The following FRMD4B variants were observed in gnomAD, a reference collection of about 807,000 sequenced individuals.
FRMD4B encodes the protein FERM domain-containing protein 4B.
FRMD4B carries 74 observed loss-of-function variants against 141.5 expected under a neutral mutation model. That is an observed-to-expected ratio of 0.52 (90% CI 0.43 to 0.63). The LOEUF (loss-of-function observed/expected upper bound fraction) is 0.63, where lower values mean the gene tolerates loss of function less well. FRMD4B is among the 30% of genes least tolerant of loss of function. FRMD4B has a pLI of 0.00. For missense variants in FRMD4B, 1,366 were observed against 1,253.4 expected, an observed-to-expected ratio of 1.09 and a Z score of -1.36; for synonymous variants, 506 against 467.9, an observed-to-expected ratio of 1.08 and a Z score of -1.05.
chr3:69,533,872 T>C (rs1701040678), intron 1 of FRMD4B, among the ~76,000 whole-genome samples: 1 of 152,184 alleles, frequency 6.6e-6, no homozygotes, highest in Non-Finnish European at 1.5e-5. Flanking sequence ...TCACATCCCA[T>C]GTTCATTCAC....
At chr3:69,291,864 G>A (rs1303861829) in intron 4 of FRMD4B, among the ~76,000 whole-genome samples, 1 of 151,090 alleles carries the variant, frequency 6.6e-6, no homozygotes, top group African/African-American at 2.4e-5. Flanking sequence ...GTTAATAGAG[G>A]GCTTCTTCCA....
chr3:69,540,639 ATAT>A (rs2107180599), intron 1 of FRMD4B, among the ~76,000 whole-genome samples: 1 of 55,114 alleles, frequency 1.8e-5, no homozygotes, highest in Admixed American at 2.0e-4. Flanking sequence ...AAAAAAAAAT[ATAT>A]ATATATATAT....
intron 1 of FRMD4B, among the ~76,000 whole-genome samples, chr3:69,332,637 C>T (rs760964979): frequency 1.3e-5 from 2 of 151,692 alleles, no homozygotes; most frequent in African/African-American, 2.4e-5. Flanking sequence ...AGTGCAGTGG[C>T]GTGATCATGA....
At chr3:69,488,782 A>C (rs1706259326) in intron 1 of FRMD4B, among the ~76,000 whole-genome samples, 1 of 150,910 alleles carries the variant, frequency 6.6e-6, no homozygotes, top group African/African-American at 2.4e-5. Flanking sequence ...AATCCCAGCT[A>C]CTCAGGAGGC....
At chr3:69,420,220 G>T (rs1704948156) in intron 2 of FRMD4B, among the ~76,000 whole-genome samples, 2 of 150,958 alleles carry the variant, frequency 1.3e-5, no homozygotes, top group South Asian at 4.2e-4. Context: ...AATCTCAGAA[G>T]GGGCGTGGCT....
At chr3:69,238,321 A>G (rs1559742886) in intron 7 of FRMD4B, among the ~76,000 whole-genome samples, 1 of 152,190 alleles carries the variant, frequency 6.6e-6, no homozygotes, top group East Asian at 1.9e-4. Context: ...TTAGAACTGC[A>G]TTCAGTCCCA....
chr3:69,446,054 G>C (rs993308157), intron 1 of FRMD4B, among the ~76,000 whole-genome samples: 4 of 152,276 alleles, frequency 2.6e-5, no homozygotes, highest in South Asian at 2.1e-4. Context: ...CTGAGATGGA[G>C]TCTGACTTTG....
At chr3:69,400,965 G>A (rs1442401226) in intron 2 of FRMD4B, among the ~76,000 whole-genome samples, 1 of 152,120 alleles carries the variant, frequency 6.6e-6, no homozygotes, top group Admixed American at 6.5e-5. Context: ...TTAACTACAG[G>A]AGTACAGAGA....
intron 1 of FRMD4B, among the ~76,000 whole-genome samples, chr3:69,437,989 T>C (rs1330576794): frequency 7.1e-6 from 1 of 139,996 alleles, no homozygotes; most frequent in African/African-American, 2.6e-5. Flanking sequence ...TTATTGTAAA[T>C]AAAAGTATAT....
chr3:69,529,667 C>T (rs1700985046), intron 1 of FRMD4B, among the ~76,000 whole-genome samples: 1 of 152,212 alleles, frequency 6.6e-6, no homozygotes, highest in South Asian at 2.1e-4. Context: ...TTTTGTCTCA[C>T]TAGAAATGGA....
At chr3:69,191,677 G>A (rs528424706) in intron 17 of FRMD4B, among the ~76,000 whole-genome samples, 3 of 152,316 alleles carry the variant, frequency 2.0e-5, no homozygotes, top group Non-Finnish European at 4.4e-5. Context: ...TGAAGGCAAG[G>A]TGCCAGTATA....
chr3:69,378,357 C>T (rs1480297509), intron 1 of FRMD4B, among the ~76,000 whole-genome samples: 1 of 152,172 alleles, frequency 6.6e-6, no homozygotes, highest in African/African-American at 2.4e-5. Context: ...CATTTAACTG[C>T]TAGGACCAGA....
chr3:69,318,571 G>A (rs1255574732), intron 1 of FRMD4B, among the ~76,000 whole-genome samples: 1 of 152,144 alleles, frequency 6.6e-6, no homozygotes, highest in East Asian at 1.9e-4. Flanking sequence ...TTACATGTCC[G>A]CGCAGCACAC....
chr3:69,434,075 G>A (rs1335894153), intron 1 of FRMD4B, among the ~76,000 whole-genome samples: 1 of 152,116 alleles, frequency 6.6e-6, no homozygotes, highest in African/African-American at 2.4e-5. Flanking sequence ...TCTGCCCGGC[G>A]ACAAAAGCTC....
chr3:69,252,121 C>T (rs916406139), intron 5 of FRMD4B, among the ~76,000 whole-genome samples: 2 of 152,198 alleles, frequency 1.3e-5, no homozygotes, highest in Admixed American at 6.5e-5. Flanking sequence ...AGACAAGTCA[C>T]CTGAAAAATA....
chr3:69,515,334 G>A (rs1366362041), intron 1 of FRMD4B, among the ~76,000 whole-genome samples: 3 of 152,140 alleles, frequency 2.0e-5, no homozygotes, highest in Admixed American at 1.3e-4. Context: ...TGAGATTTGG[G>A]TGGGGCCACA....
intron 1 of FRMD4B, among the ~76,000 whole-genome samples, chr3:69,484,798 G>A (rs750633705): frequency 6.6e-5 from 10 of 152,090 alleles, no homozygotes; most frequent in Admixed American, 5.9e-4. Flanking sequence ...CCTCTGCCCT[G>A]CTCTGGCTGA....
rs79407218 is a variant in FRMD4B, at chr3:69,500,448, A to G, written c.-129+41758T>C. On this transcript the variant is annotated intron_variant, in intron 1 of 5. Transcript: ENST00000459638. Reference sequence around the variant, plus strand: ...TCCTTGACACTTGGTAAAGTGTCCTATTTGGGCATAGAGGAGAGTTTCAGT... The same window carrying G: ...TCCTTGACACTTGGTAAAGTGTCCTGTTTGGGCATAGAGGAGAGTTTCAGT... Among the ~76,000 whole-genome samples the G allele has an allele frequency of 8.9e-4, 136 of 152,200 alleles. 3 individuals are homozygous for G. In the East Asian group the frequency reaches 0.021, roughly 24 times the overall value.
In FRMD4B at chr3:69,169,082, CAAAT is replaced by C. The variant is rs912856713; in HGVS notation, c.*2775_*2778del. Among the ~76,000 whole-genome samples the C allele has an allele frequency of 9.2e-5, 5 of 54,636 alleles. No individual in the cohort carries two copies. Among genetic ancestry groups the C allele is most frequent in the African/African-American group, 1.7e-4 (5 of 29,560 alleles). 35.8% of individuals were successfully genotyped at this position (54,636 alleles called of 152,430 possible). A position where few individuals can be genotyped will look rare whatever the true frequency, so the allele number is the denominator to read the frequency against. On this transcript the variant is annotated 3_prime_UTR_variant, in exon 23 of 23. Coordinates refer to ENST00000398540, the MANE Select transcript of FRMD4B (RefSeq NM_015123.3). ...CTATATGCATAGAAAAAAATCCAAACAAATATACAATAAATTAACTATTATATCT... is the reference window on the plus strand; with the variant it reads ...CTATATGCATAGAAAAAAATCCAAACATACAATAAATTAACTATTATATCT...
Sources: gnomAD v4.1 joint callset for allele counts (sites outside exome capture counted in the v4.1 genomes callset) on GRCh38, gnomAD v4.1.1 for gene constraint, MANE v1.5 for transcripts, NCBI Gene and HGNC (gene_info 2026-07-23, HGNC 2026-07-21) for gene names.